VPS13D: variants seen among roughly 807,000 people sequenced by gnomAD.
VPS13D encodes the protein intermembrane lipid transfer protein VPS13D.
VPS13D carries 187 observed loss-of-function variants against 461.9 expected under a neutral mutation model. The observed-to-expected ratio is 0.40, with a 90% CI of 0.36 to 0.46. VPS13D has a LOEUF of 0.46. VPS13D is among the 20% of genes least tolerant of loss of function. VPS13D has a pLI of 0.60. For synonymous variants in VPS13D, 1,951 were observed against 1,986.3 expected (o/e 0.98, Z 0.47); for missense variants, 4,711 against 5,364.9 (o/e 0.88, Z 3.81).
At chr1:12,405,964 C>A (rs554374936) in intron 63 of VPS13D, among the ~76,000 whole-genome samples, 10 of 152,320 alleles carry the variant, frequency 6.6e-5, no homozygotes, top group South Asian at 2.1e-4. Flanking sequence ...TCCAGCCCCC[C>A]CCAGTTACAT....
intron 63 of VPS13D, among the ~76,000 whole-genome samples, chr1:12,405,896 C>G (rs1334994032): frequency 2.0e-5 from 3 of 152,120 alleles, no homozygotes; most frequent in Admixed American, 6.5e-5. Flanking sequence ...CAAATTGCTC[C>G]CAGCAGAAAA....
intron 16 of VPS13D, among the ~76,000 whole-genome samples, chr1:12,269,743 C>T (rs1260521235): frequency 6.6e-6 from 1 of 152,084 alleles, no homozygotes. Context: ...CCTAAATGTC[C>T]CTTCCCCCTT....
intron 67 of VPS13D, among the ~76,000 whole-genome samples, chr1:12,484,828 G>C (rs192929466): frequency 6.6e-6 from 1 of 152,184 alleles, no homozygotes; most frequent in African/African-American, 2.4e-5. Context: ...TGTTGAATCC[G>C]AATCTTTTTT....
intron 27 of VPS13D, among the ~76,000 whole-genome samples, chr1:12,309,933 G>T (rs901404343): frequency 4.6e-5 from 7 of 152,036 alleles, no homozygotes; most frequent in African/African-American, 1.7e-4. Flanking sequence ...TTCTCACTGG[G>T]ATGTTTGTGT....
intron 47 of VPS13D, 103 bp downstream of exon 47, chr1:12,354,324 A>C (rs1323599912): frequency 5.0e-6 from 7 of 1,387,904 alleles, no homozygotes; most frequent in Non-Finnish European, 6.8e-6. Flanking sequence ...ATTGGGGCAC[A>C]TATAATATCT....
intron 67 of VPS13D, among the ~76,000 whole-genome samples, chr1:12,486,183 G>A (rs1645794455): frequency 1.3e-5 from 2 of 152,176 alleles, no homozygotes; most frequent in Non-Finnish European, 1.5e-5. Flanking sequence ...CTTCTAGAGG[G>A]GCACATCTGG....
At chr1:12,491,584 C>T (rs78822623) in intron 67 of VPS13D, among the ~76,000 whole-genome samples, 200 of 152,218 alleles carry the variant, frequency 1.3e-3, no homozygotes, top group African/African-American at 4.8e-3. Context: ...GTTGTTACTA[C>T]TCTGATCATT....
chr1:12,308,676 C>G, intron 27 of VPS13D, 35 bp downstream of exon 27: 1 of 1,594,446 alleles, frequency 6.3e-7, no homozygotes, highest in Non-Finnish European at 8.6e-7. Context: ...GATGGAGTCT[C>G]GCTCTGTTCA....
chr1:12,342,775 G>A, intron 41 of VPS13D, 124 bp from the exon 42 acceptor site: 2 of 1,147,432 alleles, frequency 1.7e-6, no homozygotes, highest in South Asian at 2.1e-5. Context: ...TTGTAGCTAG[G>A]TCATGCAGCC....
Position 12,259,776 on chromosome 1 carries a change from G to A in VPS13D, c.1111-917G>A, listed in dbSNP as rs529417627. 3.9e-5 allele frequency among the ~76,000 whole-genome samples: 6 copies of A among 152,282 alleles called. No homozygotes were observed. The East Asian group carries it at 1.2e-3, about 29-fold the overall frequency. ...TTAAAAAATGTAGCTGGGTATCATG[G>A]TTCTTTCCTAACTAGAGTGAAACAA... On this transcript the variant is annotated intron_variant, in intron 10 of 69. Coordinates refer to ENST00000620676, the MANE Select transcript of VPS13D (RefSeq NM_015378.4).
chr1:12,488,402 A>T (rs751888699), intron 67 of VPS13D, among the ~76,000 whole-genome samples: 1 of 152,162 alleles, frequency 6.6e-6, no homozygotes, highest in African/African-American at 2.4e-5. Flanking sequence ...CTTCAGTGTC[A>T]CCCAGCTAAT....
rs542307136 is a variant in VPS13D at position 12,423,665 on chromosome 1, C to A, written c.12333+6838C>A. On this transcript the variant is annotated intron_variant, in intron 65 of 69. Coordinates refer to ENST00000620676, the MANE Select transcript of VPS13D (RefSeq NM_015378.4). ...CTTTCACCAGCCCTTTGTCCCAGGA[C>A]ACCAGATTTGGTGCCTAGCCATGAT... 5.3e-5 allele frequency among the ~76,000 whole-genome samples: 8 copies of A among 152,320 alleles called. No homozygotes were observed. In the East Asian group the frequency reaches 1.4e-3, roughly 26 times the overall value.
intron 29 of VPS13D, 140 bp downstream of exon 29, chr1:12,312,065 A>G: frequency 1.5e-6 from 1 of 688,740 alleles, no homozygotes; most frequent in South Asian, 1.9e-5. Context: ...TGGTTGATCT[A>G]CACAGTGCTT....
chr1:12,384,099 G>C (rs1294343231), intron 58 of VPS13D, among the ~76,000 whole-genome samples: 1 of 152,158 alleles, frequency 6.6e-6, no homozygotes, highest in Non-Finnish European at 1.5e-5. Context: ...AGCAGAGTGG[G>C]GCAAGACTGG....
At chr1:12,370,118 C>T (rs920114231) in intron 54 of VPS13D, among the ~76,000 whole-genome samples, 1 of 152,218 alleles carries the variant, frequency 6.6e-6, no homozygotes, top group African/African-American at 2.4e-5. Flanking sequence ...TCTTAATATT[C>T]ACCTAAAGCC....
chr1:12,499,641 A>G (rs577376232), intron 68 of VPS13D: 80 of 985,484 alleles, frequency 8.1e-5, no homozygotes, highest in Admixed American at 4.9e-4. Flanking sequence ...AGATATTGGC[A>G]TGAATGAATT....
chr1:12,501,777 G>A (rs1445862519), intron 68 of VPS13D, among the ~76,000 whole-genome samples: 4 of 152,214 alleles, frequency 2.6e-5, no homozygotes, highest in South Asian at 2.1e-4. Flanking sequence ...TATGAGCAAC[G>A]TATTATGGAA....
chr1:12,293,677 C>G lies in VPS13D; in HGVS notation c.6006C>G (p.Arg2002=). Residue 2002 remains arginine, a synonymous_variant, in exon 24 of 70, where the codon CGC becomes CGG. Transcript: ENST00000620676. ...HFTQLQDVLG[R]QRAAIEGQTV... ...CTCAGCTGCAGGATGTCTTAGGGCG[C>G]CAGCGAGCTGCTATTGAGGGGCAGA... The G allele has an allele frequency of 6.2e-7, 1 of 1,613,998 alleles. No homozygotes were observed.
chr1:12,461,540 A>G (rs1291530955), intron 67 of VPS13D, among the ~76,000 whole-genome samples: 1 of 152,172 alleles, frequency 6.6e-6, no homozygotes, highest in Non-Finnish European at 1.5e-5. Context: ...GTATATTTTG[A>G]AGCATTTATG....
Sources: allele counts gnomAD v4.1 joint callset (sites outside exome capture counted in the v4.1 genomes callset), GRCh38; gene constraint gnomAD v4.1.1; transcripts MANE v1.5; gene names NCBI Gene and HGNC (gene_info 2026-07-23, HGNC 2026-07-21).